Variants in RUNX1 observed in about 807,000 individuals in gnomAD.
The protein encoded by RUNX1 is RUNX family transcription factor 1, also known as runt-related transcription factor 1.
Under a neutral mutation model 42.8 loss-of-function variants are expected in RUNX1, and 19 were observed. The ratio of observed to expected loss-of-function variants is 0.44; its 90% confidence interval spans 0.31 to 0.65. The LOEUF (loss-of-function observed/expected upper bound fraction) is 0.65. Ranked by LOEUF, RUNX1 falls within the 30% of genes least tolerant of loss-of-function variation. RUNX1 has a pLI of 0.07. For missense variants in RUNX1, 528 were observed against 672.0 expected (o/e 0.79, Z 2.37); for synonymous variants, 271 against 289.4 (o/e 0.94, Z 0.64).
At chr21:34,893,323 C>G (rs944432029) in intron 2 of RUNX1, among the ~76,000 whole-genome samples, 1 of 152,070 alleles carries the variant, frequency 6.6e-6, no homozygotes, top group Non-Finnish European at 1.5e-5. Flanking sequence ...AAATTAAAAC[C>G]AAACCCTAAC....
rs1418715295 is a variant in RUNX1, at chr21:34,790,152, G to A, written c.*1983C>T. On this transcript the variant is annotated 3_prime_UTR_variant, in exon 9 of 9. Transcript: ENST00000675419. ...CTATAGCTCTTCTCTAGATAAGAAC[G>A]ACCTGACAACATAAGCTGCTTTACT... 8.6e-6 allele frequency: 2 copies of A among 232,898 alleles called. No homozygotes were observed. The highest frequency in any genetic ancestry group is 5.6e-5 in the Admixed American group (1 of 17,746). 14.4% of individuals were successfully genotyped at this position (232,898 alleles called of 1,614,324 possible). A position where few individuals can be genotyped will look rare whatever the true frequency, so the allele number is the denominator to read the frequency against.
At chr21:34,885,599 G>A (rs1046690722) in intron 4 of RUNX1, among the ~76,000 whole-genome samples, 3 of 152,118 alleles carry the variant, frequency 2.0e-5, no homozygotes, top group African/African-American at 4.8e-5. Context: ...ATCTAAGTGT[G>A]GAAACTGTAT....
intron 2 of RUNX1, among the ~76,000 whole-genome samples, chr21:34,944,172 C>T (rs2058548155): frequency 6.6e-6 from 1 of 152,090 alleles, no homozygotes; most frequent in African/African-American, 2.4e-5. Flanking sequence ...CCAGGCCTTA[C>T]TAATTATTTT....
At chr21:34,801,065 C>T (rs971260128) in intron 7 of RUNX1, among the ~76,000 whole-genome samples, 10 of 151,718 alleles carry the variant, frequency 6.6e-5, no homozygotes, top group East Asian at 5.8e-4. Context: ...AAATAGCAGA[C>T]GGTTCAATAT....
intron 2 of RUNX1, among the ~76,000 whole-genome samples, chr21:34,914,586 G>A (rs1033047192): frequency 1.3e-5 from 2 of 152,146 alleles, no homozygotes; most frequent in South Asian, 2.1e-4. Context: ...TCAGTTGGGC[G>A]TATGGGAGAA....
At chr21:34,987,107 T>C (rs566738980) in intron 2 of RUNX1, among the ~76,000 whole-genome samples, 30 of 152,346 alleles carry the variant, frequency 2.0e-4, no homozygotes, top group Non-Finnish European at 3.8e-4. Context: ...CTTTGTTACT[T>C]TGAACTTCAA....
intron 8 of RUNX1, chr21:34,798,081 A>C (rs1371617902): frequency 4.4e-6 from 2 of 456,706 alleles, no homozygotes; most frequent in Non-Finnish European, 8.8e-6. Flanking sequence ...AACCTGAAGT[A>C]ATCACAACTG....
intron 2 of RUNX1, among the ~76,000 whole-genome samples, chr21:34,996,235 G>A (rs1340277382): frequency 6.6e-6 from 1 of 151,970 alleles, no homozygotes; most frequent in Non-Finnish European, 1.5e-5. Flanking sequence ...CTTGAGTTTT[G>A]TATATATTGC....
At chr21:34,814,580 T>G (rs1233591289) in intron 7 of RUNX1, among the ~76,000 whole-genome samples, 1 of 152,222 alleles carries the variant, frequency 6.6e-6, no homozygotes, top group Non-Finnish European at 1.5e-5. Context: ...CTCGCAAGCT[T>G]TGGCCTGGCT....
intron 2 of RUNX1, among the ~76,000 whole-genome samples, chr21:34,903,184 G>A (rs939270750): frequency 2.0e-5 from 3 of 152,104 alleles, no homozygotes; most frequent in Admixed American, 2.0e-4. Context: ...GTTACTCAGT[G>A]TTATCCAAAA....
chr21:34,888,002 T>A, intron 3 of RUNX1: 2 of 1,066,096 alleles, frequency 1.9e-6, no homozygotes, highest in South Asian at 9.1e-5. Context: ...CTCTCCCACA[T>A]CTGTGAACTC....
intron 2 of RUNX1, among the ~76,000 whole-genome samples, chr21:34,968,137 C>T (rs2058734734): frequency 6.6e-6 from 1 of 152,208 alleles, no homozygotes; most frequent in African/African-American, 2.4e-5. Flanking sequence ...GACTGCATCC[C>T]AGTTTGTCCA....
chr21:35,015,579 C>T (rs2059153635), intron 2 of RUNX1, among the ~76,000 whole-genome samples: 1 of 152,134 alleles, frequency 6.6e-6, no homozygotes, highest in African/African-American at 2.4e-5. Context: ...TCAAACACAG[C>T]CACTCATAAC....
chr21:34,862,384 T>G (rs1171482265), intron 5 of RUNX1, among the ~76,000 whole-genome samples: 1 of 152,182 alleles, frequency 6.6e-6, no homozygotes, highest in Non-Finnish European at 1.5e-5. Context: ...CTCAGTGACT[T>G]CATAAAAATA....
intron 7 of RUNX1, among the ~76,000 whole-genome samples, chr21:34,817,591 C>T (rs1024445201): frequency 6.6e-6 from 1 of 152,128 alleles, no homozygotes; most frequent in African/African-American, 2.4e-5. Context: ...ACAAACAGAG[C>T]TGGGAGATTT....
At chr21:34,842,474 G>A (rs1474878533) in intron 6 of RUNX1, among the ~76,000 whole-genome samples, 4 of 102,666 alleles carry the variant, frequency 3.9e-5, no homozygotes, top group African/African-American at 1.6e-4. Context: ...CAGACTGGGT[G>A]ACAGAGGGAG....
intron 2 of RUNX1, among the ~76,000 whole-genome samples, chr21:34,996,659 CTACT>C (rs1215461537): frequency 6.6e-6 from 1 of 152,044 alleles, no homozygotes; most frequent in African/African-American, 2.4e-5. Flanking sequence ...TTGTTCTCTC[CTACT>C]TAATTTCATA....
At chr21:34,979,889 G>A (rs1182936587) in intron 2 of RUNX1, among the ~76,000 whole-genome samples, 1 of 152,122 alleles carries the variant, frequency 6.6e-6, no homozygotes, top group African/African-American at 2.4e-5. Flanking sequence ...GGAGTGCTGG[G>A]TCTGCCAGGT....
chr21:34,989,014 C>CTCTCTCTTTT (rs752573187), intron 2 of RUNX1, among the ~76,000 whole-genome samples: 4 of 145,854 alleles, frequency 2.7e-5, no homozygotes, highest in African/African-American at 1.0e-4. Context: ...CTCTCTCTCT[C>CTCTCTCTTTT]TTTTTTTTTT....
Sources: gnomAD v4.1 joint callset for allele counts (sites outside exome capture counted in the v4.1 genomes callset) on GRCh38, gnomAD v4.1.1 for gene constraint, MANE v1.5 for transcripts, NCBI Gene and HGNC (gene_info 2026-07-23, HGNC 2026-07-21) for gene names.